Variants in PDE4D observed in about 807,000 individuals in gnomAD.
PDE4D encodes phosphodiesterase 4D.
Under a neutral mutation model 87.4 loss-of-function variants are expected in PDE4D, and 24 were observed. The observed-to-expected ratio is 0.27, with a 90% confidence interval of 0.20 to 0.39. The LOEUF (loss-of-function observed/expected upper bound fraction) is 0.39, where lower values mean the gene tolerates loss of function less well. PDE4D is among the 10% of genes least tolerant of loss of function. The pLI, the probability that PDE4D is intolerant of heterozygous loss-of-function variation, is 1.00. For missense variants in PDE4D, 714 were observed against 1,041.0 expected, an observed-to-expected ratio of 0.69 and a Z score of 4.32; for synonymous variants, 384 against 383.2, an observed-to-expected ratio of 1.00 and a Z score of -0.02.
upstream of PDE4D, chr5:59,893,861 C>G (rs531212605): frequency 3.2e-5 from 41 of 1,282,834 alleles, no homozygotes; most frequent in African/African-American, 5.8e-4. Context: ...GGCAGAGACA[C>G]GCTCCCGGGC....
intron 1 of PDE4D, among the ~76,000 whole-genome samples, chr5:59,381,333 C>T (rs1025981686): frequency 5.3e-5 from 8 of 152,146 alleles, no homozygotes; most frequent in East Asian, 3.9e-4. Context: ...GAGATCAAAT[C>T]GCTTTACCCA....
intron 1 of PDE4D, among the ~76,000 whole-genome samples, chr5:59,787,341 A>T (rs987403741): frequency 2.6e-5 from 4 of 152,100 alleles, no homozygotes; most frequent in Admixed American, 1.3e-4. Flanking sequence ...CTATTACCAC[A>T]TCTTCCCATT....
At chr5:59,316,340 T>C (rs995810974) in intron 1 of PDE4D, among the ~76,000 whole-genome samples, 6 of 152,218 alleles carry the variant, frequency 3.9e-5, no homozygotes, top group Non-Finnish European at 8.8e-5. Flanking sequence ...AGAAACTACC[T>C]GGGTTCCTTT....
Position 60,095,305 on chromosome 5 carries a change from G to A in PDE4D, c.42+90252C>T, listed in dbSNP as rs531061891. On this transcript the variant is annotated intron_variant, in intron 2 of 16. Transcript: ENST00000502484. ...TATGAGTGAGAACATGTGGTGTTTG[G>A]TTTTCTGTTCTTGTGTTAGTTTGCT... Among the ~76,000 whole-genome samples the A allele has an allele frequency of 2.0e-5, 3 of 152,258 alleles. No individual in the cohort carries two copies. In the South Asian group the frequency reaches 6.2e-4, roughly 32 times the overall value.
At chr5:60,065,995 C>T (rs1772035125) in intron 2 of PDE4D, among the ~76,000 whole-genome samples, 2 of 152,146 alleles carry the variant, frequency 1.3e-5, no homozygotes, top group African/African-American at 4.8e-5. Flanking sequence ...TTCTAGATCC[C>T]TGAGGAATCA....
At chr5:60,520,475 C>A (rs1308766062) in intron 1 of PDE4D, among the ~76,000 whole-genome samples, 1 of 152,212 alleles carries the variant, frequency 6.6e-6, no homozygotes, top group Non-Finnish European at 1.5e-5. Context: ...GTTGGCCATG[C>A]CTGTGTTTGT....
chr5:59,593,220 A>G (rs1826156356), intron 1 of PDE4D, among the ~76,000 whole-genome samples: 1 of 152,030 alleles, frequency 6.6e-6, no homozygotes, highest in East Asian at 1.9e-4. Flanking sequence ...AGAAAATTCA[A>G]AGGAGCAAAA....
intron 5 of PDE4D, among the ~76,000 whole-genome samples, chr5:59,174,910 T>C (rs1177419588): frequency 6.6e-6 from 1 of 152,186 alleles, no homozygotes; most frequent in Non-Finnish European, 1.5e-5. Flanking sequence ...TAGAGTTGTG[T>C]CCTTGCATGA....
At chr5:59,175,536 C>A (rs548161628) in intron 5 of PDE4D, among the ~76,000 whole-genome samples, 4 of 127,054 alleles carry the variant, frequency 3.1e-5, no homozygotes, top group Non-Finnish European at 6.2e-5. Context: ...GGCCGAAGAG[C>A]AGTGGCCTGA....
At position 59,133,402 on chromosome 5, in the gene PDE4D, C is replaced by T. The variant is rs149569169; in HGVS notation, c.808+47193G>A. ...ATTTGTAAATTGGAGTCCATAGAGTCGTGAGGATTTCACAAGGTAATTTAT... is the reference window on the plus strand; with the variant it reads ...ATTTGTAAATTGGAGTCCATAGAGTTGTGAGGATTTCACAAGGTAATTTAT... On this transcript the variant is annotated intron_variant, in intron 5 of 14. Coordinates refer to ENST00000340635, the MANE Select transcript of PDE4D (RefSeq NM_001104631.2). Among the ~76,000 whole-genome samples the T allele has an allele frequency of 4.1e-3, 617 of 152,210 alleles. 3 individuals carry two copies. Among genetic ancestry groups the T allele is most frequent in the African/African-American group, 0.014 (595 of 41,528 alleles).
chr5:60,494,464 G>T (rs1416871914), intron 1 of PDE4D, among the ~76,000 whole-genome samples: 1 of 152,174 alleles, frequency 6.6e-6, no homozygotes, highest in Non-Finnish European at 1.5e-5. Context: ...GGAAAATGAT[G>T]GAAGGGGCTG....
At chr5:59,647,421 C>T (rs971177526) in intron 1 of PDE4D, among the ~76,000 whole-genome samples, 11 of 149,630 alleles carry the variant, frequency 7.4e-5, no homozygotes, top group South Asian at 4.2e-4. Context: ...CATATATGTA[C>T]ATTTTAAATA....
At chr5:59,156,032 A>T (rs187621385) in intron 5 of PDE4D, among the ~76,000 whole-genome samples, 2 of 152,180 alleles carry the variant, frequency 1.3e-5, no homozygotes, top group African/African-American at 4.8e-5. Context: ...GCACAGCAGG[A>T]ACTAACTGTC....
At chr5:59,314,500 C>G (rs762197255) in intron 1 of PDE4D, 1 of 152,130 alleles carries the variant, frequency 6.6e-6, no homozygotes, top group Non-Finnish European at 1.5e-5. Flanking sequence ...AACAGAATCT[C>G]TAAACTCAAG....
chr5:59,139,645 T>C (rs1052162419), intron 5 of PDE4D, among the ~76,000 whole-genome samples: 10 of 152,058 alleles, frequency 6.6e-5, no homozygotes, highest in African/African-American at 2.4e-4. Context: ...TTTTATTTTT[T>C]TTATTTTTAT....
chr5:60,231,291 G>A (rs2149626187), intron 1 of PDE4D, among the ~76,000 whole-genome samples: 1 of 152,066 alleles, frequency 6.6e-6, no homozygotes, highest in East Asian at 1.9e-4. Flanking sequence ...TCAGTCTTGT[G>A]AGATGCAATC....
chr5:59,148,046 T>A (rs1301506291), intron 5 of PDE4D, among the ~76,000 whole-genome samples: 1 of 152,204 alleles, frequency 6.6e-6, no homozygotes, highest in Non-Finnish European at 1.5e-5. Flanking sequence ...TCTGAGTTAT[T>A]TCCTCTTTTT....
chr5:59,774,383 T>C (rs890584232), intron 1 of PDE4D, among the ~76,000 whole-genome samples: 2 of 152,218 alleles, frequency 1.3e-5, no homozygotes, highest in African/African-American at 2.4e-5. Flanking sequence ...ATATTTCTTA[T>C]ACATTCCACC....
chr5:60,418,163 G>A lies in PDE4D; in HGVS notation c.-90+69779C>T, dbSNP rs1458257990. Among the ~76,000 whole-genome samples, 7 of 148,266 alleles carry A rather than the reference G, an allele frequency of 4.7e-5. No individual in the cohort carries two copies. The East Asian group carries it at 1.1e-3, about 24-fold the overall frequency. On this transcript the variant is annotated intron_variant, in intron 1 of 16. Transcript: ENST00000502484. ...TAGCTCCTCAAATTCAGAAGAGCAAGTGAGGTAAAGGGAAAAAAAACAAGA... is the reference window on the plus strand; with the variant it reads ...TAGCTCCTCAAATTCAGAAGAGCAAATGAGGTAAAGGGAAAAAAAACAAGA...
Sources: gnomAD v4.1 joint callset for allele counts (sites outside exome capture counted in the v4.1 genomes callset) on GRCh38, gnomAD v4.1.1 for gene constraint, MANE v1.5 for transcripts, NCBI Gene and HGNC (gene_info 2026-07-23, HGNC 2026-07-21) for gene names.